Variants in DPCD observed in about 807,000 individuals in gnomAD.
DPCD encodes deleted in primary ciliary dyskinesia homolog (mouse), also known as protein DPCD.
A neutral mutation model predicts 26.4 loss-of-function variants in DPCD; 20 were observed. The ratio of observed to expected loss-of-function variants is 0.76; its 90% CI spans 0.53 to 1.10. The LOEUF is 1.10. Ranked by LOEUF, DPCD falls within the 50% of genes least tolerant of loss-of-function variation. The probability of loss-of-function intolerance (pLI) is 0.00; values close to 1 mark genes in which losing one functional copy is unlikely to be tolerated. For missense variants in DPCD, 202 were observed against 253.9 expected, an observed-to-expected ratio of 0.80 and a Z score of 1.39; for synonymous variants, 97 against 94.2, an observed-to-expected ratio of 1.03 and a Z score of -0.17.
chr10:101,605,325 G>C, intron 4 of DPCD: 6 of 1,459,780 alleles, frequency 4.1e-6, no homozygotes, highest in South Asian at 2.7e-5. Context: ...TGGGTTGAAA[G>C]GCTGGATTGG....
At chr10:101,605,222 G>A (rs1271283072) in intron 4 of DPCD, 1 of 1,549,876 alleles carries the variant, frequency 6.5e-7, no homozygotes, top group Non-Finnish European at 8.7e-7. Flanking sequence ...GGTATGTGAG[G>A]CATGACCCAA....
intron 4 of DPCD, among the ~76,000 whole-genome samples, chr10:101,608,142 G>A (rs755556879): frequency 3.3e-5 from 5 of 151,936 alleles, no homozygotes; most frequent in Admixed American, 2.6e-4. Context: ...TCGCTGAACC[G>A]GCACCTGCAG....
At chr10:101,588,512 C>T (rs2063522542) in intron 1 of DPCD, 112 bp downstream of exon 1, 2 of 1,499,158 alleles carry the variant, frequency 1.3e-6, no homozygotes, top group South Asian at 1.2e-5. Context: ...GGCGGTCAGC[C>T]GGGCCAGGTC....
chr10:101,608,630 C>T (rs538935585), intron 4 of DPCD, among the ~76,000 whole-genome samples: 2 of 152,332 alleles, frequency 1.3e-5, no homozygotes, highest in South Asian at 2.1e-4. Context: ...TCTTCTGCCA[C>T]TGGACTGGAC....
Position 101,603,237 on chromosome 10 carries a change from C to T in DPCD, c.404+1901C>T, listed in dbSNP as rs147871755. Reference sequence around the variant, plus strand: ...TCTCTGTTGGGAGGTAACCTAGAGGCCGCTGAACCCTTAGCCAGATCGTTC... The same window carrying T: ...TCTCTGTTGGGAGGTAACCTAGAGGTCGCTGAACCCTTAGCCAGATCGTTC... On this transcript the variant is annotated intron_variant, in intron 4 of 5. Transcript: ENST00000370151. This position sits in a 1 kb window ranked among gnomAD's most constrained non-coding sequence, Gnocchi z 4.6. 6.5e-3 allele frequency among the ~76,000 whole-genome samples: 987 copies of T among 152,270 alleles called. 5 individuals are homozygous for T. Among genetic ancestry groups the T allele is most frequent in the Non-Finnish European group, 0.01 (705 of 68,000 alleles).
rs2063691522 is a variant in DPCD at position 101,600,918 on chromosome 10, C to T, written c.270+56C>T. On this transcript the variant is annotated intron_variant, in intron 3 of 5. Coordinates refer to ENST00000370151, the MANE Select transcript of DPCD (RefSeq NM_015448.3). The surrounding 1 kb of genome is among the most constrained non-coding windows in gnomAD (Gnocchi z 4.7). ...GACTGAGGTGGGGGTGGGCTGTGGGCTGCTGGCTCTTGAGGGCAGGGACCA... is the reference window on the plus strand; with the variant it reads ...GACTGAGGTGGGGGTGGGCTGTGGGTTGCTGGCTCTTGAGGGCAGGGACCA... The T allele has an allele frequency of 6.2e-7, 1 of 1,609,908 alleles. No individual in the cohort carries two copies. Among genetic ancestry groups the T allele is most frequent in the Non-Finnish European group, 8.5e-7 (1 of 1,178,984 alleles).
intron 1 of DPCD, among the ~76,000 whole-genome samples, chr10:101,590,062 G>GA (rs1564889361): frequency 0.1 from 11,317 of 113,650 alleles, 549 homozygotes; most frequent in African/African-American, 0.12. Flanking sequence ...CAAAAAAACT[G>GA]GAAAAAAAAA....
intron 2 of DPCD, among the ~76,000 whole-genome samples, chr10:101,598,835 G>A (rs1209359088): frequency 1.3e-5 from 2 of 152,150 alleles, no homozygotes; most frequent in East Asian, 3.9e-4. Flanking sequence ...TGTTGGCCAG[G>A]CTGGTCTCGA....
chr10:101,595,790 T>C (rs1055221113), intron 2 of DPCD, among the ~76,000 whole-genome samples: 5 of 152,208 alleles, frequency 3.3e-5, no homozygotes, highest in African/African-American at 1.2e-4. Flanking sequence ...TTGATGTGTT[T>C]AGCATATGAC....
chr10:101,592,765 C>T (rs537832477), intron 1 of DPCD, among the ~76,000 whole-genome samples: 1 of 151,322 alleles, frequency 6.6e-6, no homozygotes, highest in African/African-American at 2.4e-5. Flanking sequence ...CCTGTAATCC[C>T]AGCCCTTTGG....
intron 1 of DPCD, among the ~76,000 whole-genome samples, chr10:101,591,291 A>G (rs1463719206): frequency 5.3e-5 from 8 of 152,206 alleles, no homozygotes; most frequent in Non-Finnish European, 8.8e-5. Flanking sequence ...TGAGTATACA[A>G]ATATCCACTT....
At chr10:101,591,848 AT>A (rs572799758) in intron 1 of DPCD, among the ~76,000 whole-genome samples, 1 of 149,662 alleles carries the variant, frequency 6.7e-6, no homozygotes, top group Non-Finnish European at 1.5e-5. Flanking sequence ...AGCCCGGCTA[AT>A]TTTTTTTTTA....
intron 5 of DPCD, 165 bp downstream of exon 5, chr10:101,609,102 G>A (rs1038127908): frequency 2.9e-6 from 2 of 680,722 alleles, no homozygotes; most frequent in Non-Finnish European, 5.1e-6. Context: ...CAGGGAGGGG[G>A]CTCAGGAAGG....
At chr10:101,606,328 G>A (rs2063732689) in intron 4 of DPCD, among the ~76,000 whole-genome samples, 1 of 152,098 alleles carries the variant, frequency 6.6e-6, no homozygotes, top group African/African-American at 2.4e-5. Flanking sequence ...GCCTGGCTAA[G>A]TTTTGTGCTT....
intron 1 of DPCD, among the ~76,000 whole-genome samples, chr10:101,594,308 A>G (rs1284507508): frequency 6.6e-6 from 1 of 152,252 alleles, no homozygotes; most frequent in African/African-American, 2.4e-5. Context: ...GATTAATCCT[A>G]CCAAAGTGGC....
At chr10:101,605,078 G>A in intron 4 of DPCD, 1 of 1,549,682 alleles carries the variant, frequency 6.5e-7, no homozygotes, top group Non-Finnish European at 8.7e-7. Context: ...ACTGTGGGTG[G>A]GGGTGCCAAG....
chr10:101,589,707 C>A (rs977956872), intron 1 of DPCD, among the ~76,000 whole-genome samples: 1 of 152,050 alleles, frequency 6.6e-6, no homozygotes, highest in African/African-American at 2.4e-5. Context: ...GATGAAACCA[C>A]CCCATCGCTA....
intron 2 of DPCD, among the ~76,000 whole-genome samples, chr10:101,599,781 G>C (rs190774385): frequency 6.6e-6 from 1 of 152,206 alleles, no homozygotes; most frequent in Admixed American, 6.5e-5. Flanking sequence ...AGCTACAGAG[G>C]CTGCTGGTCT....
At chr10:101,596,139 A>C (rs1052808822) in intron 2 of DPCD, among the ~76,000 whole-genome samples, 1 of 152,258 alleles carries the variant, frequency 6.6e-6, no homozygotes, top group Non-Finnish European at 1.5e-5. Flanking sequence ...TTGTAGCACC[A>C]TGTGCCCTGA....
Sources: allele counts gnomAD v4.1 joint callset (sites outside exome capture counted in the v4.1 genomes callset), GRCh38; gene constraint gnomAD v4.1.1; non-coding constraint Gnocchi (gnomAD v3.1); transcripts MANE v1.5; gene names NCBI Gene and HGNC (gene_info 2026-07-23, HGNC 2026-07-21).